Variants in XPR1 observed in about 807,000 individuals in gnomAD.
XPR1 encodes solute carrier family 53 member 1.
Under a neutral mutation model 87.5 loss-of-function variants are expected in XPR1, and 28 were observed. The ratio of observed to expected loss-of-function variants is 0.32; its 90% CI spans 0.24 to 0.44. The LOEUF (loss-of-function observed/expected upper bound fraction) is 0.44. Among genes scored for constraint, XPR1 ranks in the 20% least tolerant of loss-of-function variants. The probability of loss-of-function intolerance (pLI) is 1.00; values close to 1 mark genes in which losing one functional copy is unlikely to be tolerated. For missense variants in XPR1, 559 were observed against 862.3 expected (o/e 0.65, Z 4.41); for synonymous variants, 300 against 306.1 (o/e 0.98, Z 0.21).
chr1:180,850,255 T>A (rs1651822722), intron 11 of XPR1, among the ~76,000 whole-genome samples: 1 of 152,196 alleles, frequency 6.6e-6, no homozygotes, highest in African/African-American at 2.4e-5. Flanking sequence ...TCAGATGGAT[T>A]TTTTAGATCT....
chr1:180,781,427 A>G (rs1648934954), intron 2 of XPR1, among the ~76,000 whole-genome samples: 1 of 151,932 alleles, frequency 6.6e-6, no homozygotes, highest in Non-Finnish European at 1.5e-5. Context: ...GTGGTTTTAA[A>G]TAAATGGTTT....
At position 180,887,610 on chromosome 1, in the gene XPR1, C is replaced by G. The variant is rs1159543784; in HGVS notation, c.*3544C>G. ...ACCCATGTGCAACTTTTTTTCAGCA[C>G]TCTACCATTAGGCTCCTTAGGCAAG... On this transcript the variant is annotated 3_prime_UTR_variant, in exon 15 of 15. Transcript: ENST00000367590. The G allele has an allele frequency of 2.0e-5, 3 of 152,152 alleles. No individual in the cohort carries two copies. Among genetic ancestry groups the G allele is most frequent in the South Asian group, 2.1e-4 (1 of 4,828 alleles). 9.4% of individuals were successfully genotyped at this position (152,152 alleles called of 1,614,324 possible).
chr1:180,693,487 A>G (rs1394831198), intron 2 of XPR1, among the ~76,000 whole-genome samples: 2 of 152,234 alleles, frequency 1.3e-5, no homozygotes, highest in African/African-American at 4.8e-5. Flanking sequence ...GTAGTCAATA[A>G]TTGGAAAAGT....
intron 2 of XPR1, among the ~76,000 whole-genome samples, chr1:180,693,690 T>C (rs1657067627): frequency 6.6e-6 from 1 of 152,178 alleles, no homozygotes. Flanking sequence ...TGGTGGTTGC[T>C]GGCTTTCTTG....
chr1:180,807,990 C>G (rs1054024245), intron 6 of XPR1, among the ~76,000 whole-genome samples: 1 of 152,044 alleles, frequency 6.6e-6, no homozygotes, highest in African/African-American at 2.4e-5. Flanking sequence ...GAGCAAGACT[C>G]TGTCTCCAAA....
Position 180,632,286 on chromosome 1 carries a change from G to A in XPR1, c.69+16G>A. 6.2e-7 allele frequency: 1 copy of A among 1,608,378 alleles called. No homozygotes were observed. Among genetic ancestry groups the A allele is most frequent in the Non-Finnish European group, 8.5e-7 (1 of 1,177,182 alleles). On this transcript the variant is annotated intron_variant, in intron 1 of 14. Coordinates refer to ENST00000367590, the MANE Select transcript of XPR1 (RefSeq NM_004736.4). The stretch of plus-strand genomic sequence containing the variant: ...CCAGTATGAGGTACCGGCACGGCTG[G>A]GGTGTGGGAGGACTCGGAGGGGCCA...
At chr1:180,739,853 A>G (rs1303788958) in intron 2 of XPR1, among the ~76,000 whole-genome samples, 1 of 151,894 alleles carries the variant, frequency 6.6e-6, no homozygotes, top group Non-Finnish European at 1.5e-5. Context: ...CGATTCTCCC[A>G]TCTTAGCCTC....
chr1:180,784,312 A>G (rs1649053553), intron 2 of XPR1, among the ~76,000 whole-genome samples: 1 of 152,044 alleles, frequency 6.6e-6, no homozygotes, highest in Non-Finnish European at 1.5e-5. Context: ...TTTTTAAAAA[A>G]GTTGCATTTA....
rs774576966 is a variant in XPR1 at position 180,873,883 on chromosome 1, T to C, written c.1749T>C (p.Thr583=). Residue 583 remains threonine (T), a synonymous_variant, in exon 13 of 15, where the codon ACT becomes ACC. Transcript: ENST00000367590. Reference sequence around the variant, plus strand: ...TCCAAATCTCGATTACCTCTACAACTTTGTTGCCTCATTCTGGGGACATCA... The same window carrying C: ...TCCAAATCTCGATTACCTCTACAACCTTGTTGCCTCATTCTGGGGACATCA... ...WTIQISITST[T]LLPHSGDIIA... The C allele has an allele frequency of 6.2e-7, 1 of 1,614,176 alleles. No individual in the cohort carries two copies. The highest frequency in any genetic ancestry group is 1.7e-5 in the Admixed American group (1 of 60,026).
At chr1:180,801,019 A>C (rs530007298) in intron 3 of XPR1, among the ~76,000 whole-genome samples, 1 of 152,188 alleles carries the variant, frequency 6.6e-6, no homozygotes, top group African/African-American at 2.4e-5. Context: ...TGTCTTTCCT[A>C]GGGATAACCA....
intron 1 of XPR1, among the ~76,000 whole-genome samples, chr1:180,679,521 G>A (rs901115807): frequency 2.0e-5 from 3 of 152,196 alleles, no homozygotes; most frequent in Non-Finnish European, 2.9e-5. Context: ...GGCATCACCA[G>A]TCTTTAGATG....
At chr1:180,830,960 G>C (rs2102160860) in intron 9 of XPR1, among the ~76,000 whole-genome samples, 1 of 115,260 alleles carries the variant, frequency 8.7e-6, no homozygotes, top group Middle Eastern at 3.9e-3. Context: ...ATGAGTTAAT[G>C]CTTGCATAAA....
intron 12 of XPR1, among the ~76,000 whole-genome samples, chr1:180,873,040 G>T (rs1180554290): frequency 6.6e-6 from 1 of 151,626 alleles, no homozygotes; most frequent in Non-Finnish European, 1.5e-5. Context: ...AAATATTATG[G>T]CTTAATACAT....
At chr1:180,760,173 A>C (rs1276040321) in intron 2 of XPR1, among the ~76,000 whole-genome samples, 1 of 152,158 alleles carries the variant, frequency 6.6e-6, no homozygotes, top group African/African-American at 2.4e-5. Context: ...AATGGGCAAA[A>C]ACTGGAAGCA....
chr1:180,693,194 A>G (rs372747979), intron 2 of XPR1, among the ~76,000 whole-genome samples: 3 of 152,236 alleles, frequency 2.0e-5, no homozygotes, highest in African/African-American at 7.2e-5. Flanking sequence ...AGAAAGCTGG[A>G]GCAATTGTTA....
intron 2 of XPR1, among the ~76,000 whole-genome samples, chr1:180,743,019 TTGAAG>T (rs1571789238): frequency 1.3e-5 from 2 of 152,082 alleles, no homozygotes; most frequent in East Asian, 3.8e-4. Context: ...TATATTATGT[TTGAAG>T]TGAGTTTCTT....
chr1:180,737,073 C>T (rs144127408), intron 2 of XPR1, among the ~76,000 whole-genome samples: 104 of 152,268 alleles, frequency 6.8e-4, no homozygotes, highest in Middle Eastern at 3.4e-3. Flanking sequence ...CTTGTGACTA[C>T]TGGGGAGTTT....
chr1:180,758,146 C>CAT (rs1179154229), intron 2 of XPR1, among the ~76,000 whole-genome samples: 3 of 150,862 alleles, frequency 2.0e-5, no homozygotes, highest in Non-Finnish European at 2.9e-5. Context: ...CACACACACA[C>CAT]ATTATTCAGC....
intron 12 of XPR1, among the ~76,000 whole-genome samples, chr1:180,866,286 G>A (rs1209971199): frequency 6.6e-6 from 1 of 152,026 alleles, no homozygotes; most frequent in Non-Finnish European, 1.5e-5. Context: ...CTTGAAAAGT[G>A]TGGAATCCAG....
Sources: gnomAD v4.1 joint callset for allele counts (sites outside exome capture counted in the v4.1 genomes callset) on GRCh38, gnomAD v4.1.1 for gene constraint, MANE v1.5 for transcripts, NCBI Gene and HGNC (gene_info 2026-07-23, HGNC 2026-07-21) for gene names.